Variants in TAF3 observed in about 807,000 individuals in gnomAD.
TAF3 encodes the protein TATA-box binding protein associated factor 3, also known as transcription initiation factor TFIID subunit 3.
TAF3 carries 7 observed loss-of-function variants against 80.6 expected under a neutral mutation model. The observed-to-expected ratio is 0.09, with a 90% CI of 0.05 to 0.16. The LOEUF is 0.16. TAF3 is among the 10% of genes least tolerant of loss of function. The pLI is 1.00. For missense variants in TAF3, 921 were observed against 1,140.2 expected, an observed-to-expected ratio of 0.81 and a Z score of 2.77; for synonymous variants, 444 against 446.1, an observed-to-expected ratio of 1.00 and a Z score of 0.06.
At chr10:7,918,926 C>T (rs758231994) in intron 2 of TAF3, among the ~76,000 whole-genome samples, 1 of 152,098 alleles carries the variant, frequency 6.6e-6, no homozygotes, top group Non-Finnish European at 1.5e-5. Flanking sequence ...AGGCACTCAC[C>T]TCACCTCCGG....
intron 4 of TAF3, among the ~76,000 whole-genome samples, chr10:7,978,860 T>G (rs1347098299): frequency 6.6e-6 from 1 of 152,188 alleles, no homozygotes; most frequent in Non-Finnish European, 1.5e-5. Flanking sequence ...CTCATACCCT[T>G]TAGAGGAATA....
intron 2 of TAF3, among the ~76,000 whole-genome samples, chr10:7,941,103 T>G (rs567237286): frequency 3.9e-5 from 6 of 152,196 alleles, no homozygotes; most frequent in East Asian, 1.9e-4. Context: ...GTTGGAAACA[T>G]AGAGAGCCAC....
chr10:7,880,428 G>A (rs1837350077), intron 2 of TAF3, among the ~76,000 whole-genome samples: 1 of 152,194 alleles, frequency 6.6e-6, no homozygotes, highest in African/African-American at 2.4e-5. Flanking sequence ...ATTGGTGGAT[G>A]TGAGAAATAA....
chr10:7,864,987 C>G (rs1441094981), intron 2 of TAF3, among the ~76,000 whole-genome samples: 1 of 152,044 alleles, frequency 6.6e-6, no homozygotes, highest in Non-Finnish European at 1.5e-5. Context: ...TCAAAGGATC[C>G]CTGCACCATT....
intron 3 of TAF3, among the ~76,000 whole-genome samples, chr10:7,970,642 G>T (rs1831613136): frequency 6.6e-6 from 1 of 152,172 alleles, no homozygotes; most frequent in Non-Finnish European, 1.5e-5. Flanking sequence ...ATACCTTAGA[G>T]AGCACCTGTT....
intron 2 of TAF3, among the ~76,000 whole-genome samples, chr10:7,840,379 C>G (rs1485484033): frequency 6.6e-6 from 1 of 151,924 alleles, no homozygotes; most frequent in Non-Finnish European, 1.5e-5. Context: ...GTCTCGATCT[C>G]CTGACCTTGT....
chr10:7,890,545 G>T (rs1588540507), intron 2 of TAF3, among the ~76,000 whole-genome samples: 1 of 152,214 alleles, frequency 6.6e-6, no homozygotes, highest in African/African-American at 2.4e-5. Context: ...GTATAAATAT[G>T]TGCATTCATC....
chr10:7,897,050 AG>A (rs1199171608), intron 2 of TAF3, among the ~76,000 whole-genome samples: 1 of 152,222 alleles, frequency 6.6e-6, no homozygotes, highest in East Asian at 1.9e-4. Flanking sequence ...TCAAGCCAGC[AG>A]TGACTTGTCA....
chr10:7,998,562 G>A lies in TAF3; in HGVS notation c.2316-10516G>A, dbSNP rs115853888. ...AAGGGAGAAATGTAGGAAACATAGG[G>A]AGAGGTGGGGCATGGTGGTTCACAC... On this transcript the variant is annotated intron_variant, in intron 4 of 6. Transcript: ENST00000344293. 2.7e-3 allele frequency among the ~76,000 whole-genome samples: 406 copies of A among 152,062 alleles called. 2 individuals carry two copies. The highest frequency in any genetic ancestry group is 9.2e-3 in the African/African-American group (382 of 41,510).
chr10:7,842,678 G>A (rs942161783), intron 2 of TAF3, among the ~76,000 whole-genome samples: 2 of 152,074 alleles, frequency 1.3e-5, no homozygotes, highest in African/African-American at 4.8e-5. Context: ...ACAGTTCAAA[G>A]CCATGTTTTA....
chr10:7,825,879 G>C (rs1218463049), intron 2 of TAF3, among the ~76,000 whole-genome samples: 1 of 151,980 alleles, frequency 6.6e-6, no homozygotes, highest in Non-Finnish European at 1.5e-5. Context: ...TAGAATTGCT[G>C]GATCATATAG....
At chr10:7,871,435 CTTTTTTTTTTTT>C (rs527356726) in intron 2 of TAF3, among the ~76,000 whole-genome samples, 3 of 69,120 alleles carry the variant, frequency 4.3e-5, no homozygotes, top group Non-Finnish European at 5.8e-5. Context: ...ATAACTGCTG[CTTTTTTTTTTTT>C]TTTTTTTTTT....
At chr10:7,925,793 C>T (rs1420411985) in intron 2 of TAF3, among the ~76,000 whole-genome samples, 3 of 85,682 alleles carry the variant, frequency 3.5e-5, no homozygotes, top group African/African-American at 1.2e-4. Flanking sequence ...AAGGAAACTC[C>T]ATCTCAAAAA....
At chr10:7,862,415 G>A (rs919817156) in intron 2 of TAF3, among the ~76,000 whole-genome samples, 5 of 152,104 alleles carry the variant, frequency 3.3e-5, no homozygotes, top group African/African-American at 1.2e-4. Context: ...ACTCCAAGCT[G>A]TTTTTCCTAT....
intron 3 of TAF3, among the ~76,000 whole-genome samples, chr10:7,967,640 AGATCCTGACTTTTGT>A (rs1462840579): frequency 6.6e-6 from 1 of 152,248 alleles, no homozygotes; most frequent in Non-Finnish European, 1.5e-5. Flanking sequence ...ACCTGAGTTC[AGATCCTGACTTTTGT>A]AAAATGGGTA....
rs1021320954 is a variant in TAF3, at chr10:7,858,413, A to G, written c.409+33853A>G. Among the ~76,000 whole-genome samples, 3 of 152,166 alleles carry G rather than the reference A, an allele frequency of 2.0e-5. No homozygotes were observed. In the East Asian group the frequency reaches 5.8e-4, roughly 29 times the overall value. The stretch of plus-strand genomic sequence containing the variant: ...TCCTTTAGAACCTCCTGGATGATAC[A>G]ATCGTTTATGTCAGCTAGGCTACAA... On this transcript the variant is annotated intron_variant, in intron 2 of 6. Coordinates refer to ENST00000344293, the MANE Select transcript of TAF3 (RefSeq NM_031923.4).
intron 2 of TAF3, among the ~76,000 whole-genome samples, chr10:7,938,566 G>T (rs1264084785): frequency 6.6e-6 from 1 of 152,162 alleles, no homozygotes; most frequent in African/African-American, 2.4e-5. Flanking sequence ...ACAAAAAAAA[G>T]AAAACGTGAG....
Position 7,964,977 on chromosome 10 carries a change from T to G in TAF3, c.1467T>G (p.Phe489Leu). 6.2e-7 allele frequency: 1 copy of G among 1,614,074 alleles called. No individual in the cohort carries two copies. Among genetic ancestry groups the G allele is most frequent in the Non-Finnish European group, 8.5e-7 (1 of 1,180,032 alleles). ...CACCTTCAAATATGCCCCCCAACTT[T>G]CCTTATATCTCTTCTCCGTCAGTGT... Reference protein sequence around the residue: ...LGTPSNMPPNFPYISSPSVSP... With the variant: ...LGTPSNMPPNLPYISSPSVSP... Residue 489 changes from phenylalanine to leucine, a missense_variant, in exon 3 of 7, where the codon TTT becomes TTG. Coordinates refer to ENST00000344293, the MANE Select transcript of TAF3 (RefSeq NM_031923.4). The surrounding 1 kb of genome is among the most constrained non-coding windows in gnomAD (Gnocchi z 4.1).
At chr10:7,953,367 G>A (rs77504791) in intron 2 of TAF3, among the ~76,000 whole-genome samples, 2,535 of 152,310 alleles carry the variant, frequency 0.017, 73 homozygotes, top group African/African-American at 0.058. Flanking sequence ...GGCAGGAGTA[G>A]CTCTGTCCTG....
Sources: allele counts gnomAD v4.1 joint callset (sites outside exome capture counted in the v4.1 genomes callset), GRCh38; gene constraint gnomAD v4.1.1; non-coding constraint Gnocchi (gnomAD v3.1); transcripts MANE v1.5; gene names NCBI Gene and HGNC (gene_info 2026-07-23, HGNC 2026-07-21).